Variants in TMEM267 observed in about 807,000 individuals in gnomAD.
TMEM267 encodes transmembrane protein C5orf28.
In TMEM267, 20 loss-of-function variants were observed where a neutral mutation model predicts 19.3. The observed-to-expected ratio is 1.04, with a 90% confidence interval of 0.73 to 1.51. The LOEUF (loss-of-function observed/expected upper bound fraction) is 1.51. TMEM267 is among the 40% of genes most tolerant of loss of function. TMEM267 has a pLI of 0.00. For missense variants in TMEM267, 242 were observed against 261.9 expected (o/e 0.92, Z 0.52); for synonymous variants, 88 against 90.3 (o/e 0.97, Z 0.15).
intron 1 of TMEM267, among the ~76,000 whole-genome samples, chr5:43,470,620 T>G (rs1744008871): frequency 6.6e-6 from 1 of 152,216 alleles, no homozygotes; most frequent in African/African-American, 2.4e-5. Context: ...GTCTCAGATA[T>G]TTTATGTTCA....
At chr5:43,469,298 GAC>G (rs1743925958) in intron 1 of TMEM267, among the ~76,000 whole-genome samples, 1 of 151,848 alleles carries the variant, frequency 6.6e-6, no homozygotes, top group Non-Finnish European at 1.5e-5. Context: ...GTTAAACAAA[GAC>G]ACACAAAAAA....
At chr5:43,459,285 T>C (rs1743121210) in intron 1 of TMEM267, among the ~76,000 whole-genome samples, 1 of 151,916 alleles carries the variant, frequency 6.6e-6, no homozygotes, top group Non-Finnish European at 1.5e-5. Context: ...ATTTGATCAA[T>C]ACAGCAAGAC....
chr5:43,455,833 G>A (rs1022801257), intron 1 of TMEM267, among the ~76,000 whole-genome samples: 4 of 152,128 alleles, frequency 2.6e-5, no homozygotes, highest in Non-Finnish European at 4.4e-5. Flanking sequence ...GATAATAGGC[G>A]TGAGCCATCG....
Position 43,453,892 on chromosome 5 carries a change from C to G in TMEM267, c.78G>C (p.Leu26=), listed in dbSNP as rs758271611. The part of the protein sequence containing the change: ...STESLISSLG[L]GAFCLVADRL... ...TGTCAGCTACGAGGCAAAATGCCCC[C>G]AGACCAAGGCTGGAAATAAGAGATT... Residue 26 remains leucine (L), a synonymous_variant, in exon 2 of 3, where the codon CTG becomes CTC. Transcript: ENST00000397080. 1 of 1,614,048 alleles carries G rather than the reference C, an allele frequency of 6.2e-7. No homozygotes were observed. Among genetic ancestry groups the G allele is most frequent in the East Asian group, 2.2e-5 (1 of 44,864 alleles).
intron 1 of TMEM267, among the ~76,000 whole-genome samples, chr5:43,472,723 T>C (rs1744157539): frequency 6.7e-6 from 1 of 148,956 alleles, no homozygotes; most frequent in Non-Finnish European, 1.5e-5. Context: ...TCTCACTTAT[T>C]TGTGGGATCT....
At chr5:43,467,786 C>T (rs2112143796) in intron 1 of TMEM267, among the ~76,000 whole-genome samples, 1 of 152,218 alleles carries the variant, frequency 6.6e-6, no homozygotes, top group Admixed American at 6.5e-5. Flanking sequence ...TTCAAGTCAT[C>T]CCTTTGCTCA....
chr5:43,459,715 A>T lies in TMEM267; in HGVS notation c.-74-5672T>A, dbSNP rs139851046. The stretch of plus-strand genomic sequence containing the variant: ...AGCAGCAAAAAATTAAGTGGTCAAT[A>T]AAAGGCATAATCTGAATAATATAAT... On this transcript the variant is annotated intron_variant, in intron 1 of 2. Transcript: ENST00000397080. 4.9e-3 allele frequency among the ~76,000 whole-genome samples: 739 copies of T among 152,286 alleles called. 9 individuals carry two copies. Among genetic ancestry groups the T allele is most frequent in the African/African-American group, 0.011 (469 of 41,556 alleles).
At chr5:43,453,548 G>T in intron 2 of TMEM267, 110 bp downstream of exon 2, 1 of 943,552 alleles carries the variant, frequency 1.1e-6, no homozygotes, top group Non-Finnish European at 1.6e-6. Context: ...ACATGAATGT[G>T]CTTTCCTATT....
chr5:43,453,868 G>C lies in TMEM267; in HGVS notation c.102C>G (p.Asp34Glu). 3.7e-6 allele frequency: 6 copies of C among 1,614,038 alleles called. No homozygotes were observed. The highest frequency in any genetic ancestry group is 5.1e-6 in the Non-Finnish European group (6 of 1,179,960). ...LGLGAFCLVADRLLQFSTIQQ... is the reference protein window; with the variant it reads ...LGLGAFCLVAERLLQFSTIQQ... Reference sequence around the variant, plus strand: ...GAATTGTGGAAAACTGAAGAAGTCTGTCAGCTACGAGGCAAAATGCCCCCA... The same window carrying C: ...GAATTGTGGAAAACTGAAGAAGTCTCTCAGCTACGAGGCAAAATGCCCCCA... Residue 34 changes from aspartate to glutamate, a missense_variant, in exon 2 of 3, where the codon GAC (aspartate) becomes GAG (glutamate). Physicochemically the swap from Asp to Glu is conservative, Grantham distance 45. Transcript: ENST00000397080.
chr5:43,448,546 G>T (rs1264768152), intron 2 of TMEM267, among the ~76,000 whole-genome samples: 1 of 152,174 alleles, frequency 6.6e-6, no homozygotes, highest in Non-Finnish European at 1.5e-5. Flanking sequence ...AGAGGCTGAG[G>T]CGGGCTGATC....
intron 1 of TMEM267, among the ~76,000 whole-genome samples, chr5:43,468,168 T>C (rs1413937847): frequency 2.0e-5 from 3 of 151,998 alleles, no homozygotes; most frequent in Non-Finnish European, 4.4e-5. Flanking sequence ...AGAAGTAAAG[T>C]AGGCAAAAAG....
intron 1 of TMEM267, among the ~76,000 whole-genome samples, chr5:43,483,506 G>C (rs1165519188): frequency 6.6e-6 from 1 of 152,186 alleles, no homozygotes; most frequent in African/African-American, 2.4e-5. Flanking sequence ...GCCAGAAAAA[G>C]GCCAGGGGCG....
chr5:43,447,520 A>G (rs1391646730), intron 2 of TMEM267, among the ~76,000 whole-genome samples: 1 of 152,342 alleles, frequency 6.6e-6, no homozygotes, highest in East Asian at 1.9e-4. Context: ...ACTAATTTGC[A>G]GCGAGATAAT....
At chr5:43,464,241 C>T (rs9764237) in intron 1 of TMEM267, among the ~76,000 whole-genome samples, 81,650 of 145,498 alleles carry the variant, frequency 0.56, 24,671 homozygotes, top group African/African-American at 0.82. Context: ...AGGAATCCAA[C>T]TTACAAGGGA....
chr5:43,472,369 G>C (rs567654752), intron 1 of TMEM267, among the ~76,000 whole-genome samples: 3 of 152,172 alleles, frequency 2.0e-5, no homozygotes, highest in African/African-American at 7.2e-5. Flanking sequence ...AGCCACTATG[G>C]AGAACAATTT....
chr5:43,451,156 T>C (rs1003514949), intron 2 of TMEM267, among the ~76,000 whole-genome samples: 17 of 152,124 alleles, frequency 1.1e-4, no homozygotes, highest in African/African-American at 3.1e-4. Context: ...CCAGGACATG[T>C]CACTTATCAT....
intron 2 of TMEM267, among the ~76,000 whole-genome samples, chr5:43,448,308 A>T (rs184450247): frequency 1.3e-5 from 2 of 152,262 alleles, no homozygotes; most frequent in East Asian, 3.9e-4. Context: ...TTTTGTCTTC[A>T]CCTTTGTTTT....
At chr5:43,468,765 G>C (rs1177344220) in intron 1 of TMEM267, among the ~76,000 whole-genome samples, 3 of 152,152 alleles carry the variant, frequency 2.0e-5, no homozygotes, top group Non-Finnish European at 4.4e-5. Flanking sequence ...TTTCATCTAA[G>C]AGCTGCAGAA....
At chr5:43,452,849 C>T (rs1742696231) in intron 2 of TMEM267, among the ~76,000 whole-genome samples, 1 of 152,174 alleles carries the variant, frequency 6.6e-6, no homozygotes, top group Non-Finnish European at 1.5e-5. Flanking sequence ...ACAAATATTT[C>T]CTGAATATCT....
Sources: gnomAD v4.1 joint callset for allele counts (sites outside exome capture counted in the v4.1 genomes callset) on GRCh38, gnomAD v4.1.1 for gene constraint, MANE v1.5 for transcripts, NCBI Gene and HGNC (gene_info 2026-07-23, HGNC 2026-07-21) for gene names.